The following MMS19 variants were observed in gnomAD, a reference collection of about 807,000 sequenced individuals.
MMS19 encodes MMS19 cytosolic iron-sulfur assembly component, also known as MMS19 nucleotide excision repair protein homolog.
A neutral mutation model predicts 129.8 loss-of-function variants in MMS19; 77 were observed. The observed-to-expected ratio is 0.59, with a 90% CI of 0.49 to 0.72. MMS19 has a LOEUF of 0.72. Ranked by LOEUF, MMS19 falls within the 30% of genes least tolerant of loss-of-function variation. MMS19 has a pLI of 0.00. For synonymous variants in MMS19, 491 were observed against 502.8 expected (o/e 0.98, Z 0.31); for missense variants, 1,168 against 1,266.3 (o/e 0.92, Z 1.18).
At chr10:97,493,884 G>A (rs1024815499) in intron 1 of MMS19, among the ~76,000 whole-genome samples, 1 of 152,018 alleles carries the variant, frequency 6.6e-6, no homozygotes, top group African/African-American at 2.4e-5. Flanking sequence ...GTGTGGTGAT[G>A]CATGCTTGTG....
intron 1 of MMS19, among the ~76,000 whole-genome samples, chr10:97,489,010 T>G (rs1250002635): frequency 1.3e-5 from 2 of 152,232 alleles, no homozygotes; most frequent in Non-Finnish European, 1.5e-5. Flanking sequence ...CAGGCTGGAT[T>G]GTATTTTTAG....
chr10:97,484,245 G>C, intron 1 of MMS19, 94 bp from the exon 2 acceptor site: 1 of 862,732 alleles, frequency 1.2e-6, no homozygotes, highest in Non-Finnish European at 1.7e-6. Flanking sequence ...GCCTGCCCTA[G>C]GCTTTGTACC....
Position 97,468,412 on chromosome 10 carries a change from G to A in MMS19, c.1064-6C>T. The A allele has an allele frequency of 1.3e-6, 2 of 1,598,046 alleles. No individual in the cohort carries two copies. Among genetic ancestry groups the A allele is most frequent in the Middle Eastern group, 1.7e-4 (1 of 6,002 alleles). On this transcript the variant is annotated splice_polypyrimidine_tract_variant and splice_region_variant and intron_variant, in intron 12 of 30. Coordinates refer to ENST00000438925, the MANE Select transcript of MMS19 (RefSeq NM_022362.5). ...ACACAGGTGGTGCCTGCAGTCTAGA[G>A]AAGCAGCACATCACAGAGCTGGGGA...
At chr10:97,480,291 C>T (rs7897727) in intron 3 of MMS19, 245,771 of 462,248 alleles carry the variant, frequency 0.53, 66,488 homozygotes, top group South Asian at 0.6. Context: ...TTTGGAGCCC[C>T]GCTCTGTCTC....
Position 97,488,619 on chromosome 10 carries a change from C to T in MMS19, c.113-4468G>A, listed in dbSNP as rs1245398320. Among the ~76,000 whole-genome samples the T allele has an allele frequency of 2.0e-5, 3 of 152,322 alleles. No homozygotes were observed. The East Asian group carries it at 5.8e-4, about 29-fold the overall frequency. On this transcript the variant is annotated intron_variant, in intron 1 of 30. Transcript: ENST00000438925. ...TCTAGATTACTCATAATACTTAATACAATCTAAGTGCTACGCAAATAGTTG... is the reference window on the plus strand; with the variant it reads ...TCTAGATTACTCATAATACTTAATATAATCTAAGTGCTACGCAAATAGTTG...
intron 1 of MMS19, among the ~76,000 whole-genome samples, chr10:97,496,806 A>C (rs2039880704): frequency 6.6e-6 from 1 of 152,222 alleles, no homozygotes; most frequent in South Asian, 2.1e-4. Context: ...AACCGTCAAC[A>C]AACTCTAGTC....
At chr10:97,498,084 A>G (rs1354335887) in intron 1 of MMS19, among the ~76,000 whole-genome samples, 189 bp downstream of exon 1, 1 of 152,230 alleles carries the variant, frequency 6.6e-6, no homozygotes, top group African/African-American at 2.4e-5. Context: ...AGAAGTGTAA[A>G]TGGTTTTAAG....
intron 25 of MMS19, among the ~76,000 whole-genome samples, 155 bp downstream of exon 25, chr10:97,460,540 C>A (rs921941968): frequency 3.0e-4 from 45 of 152,054 alleles, no homozygotes; most frequent in Non-Finnish European, 1.0e-4. Context: ...CTACTGTACT[C>A]CAGCCTGGGT....
intron 8 of MMS19, among the ~76,000 whole-genome samples, chr10:97,473,626 T>C (rs1383687266): frequency 6.6e-6 from 1 of 151,822 alleles, no homozygotes; most frequent in African/African-American, 2.4e-5. Context: ...CCTGTTGACA[T>C]TGTTTGGCTA....
intron 6 of MMS19, 156 bp from the exon 7 acceptor site, chr10:97,477,119 G>A (rs1002771287): frequency 2.7e-6 from 4 of 1,500,876 alleles, no homozygotes; most frequent in Non-Finnish European, 3.5e-6. Context: ...GAAGAGATGT[G>A]CAACAATATA....
At chr10:97,486,921 A>C (rs1235133054) in intron 1 of MMS19, among the ~76,000 whole-genome samples, 4 of 141,898 alleles carry the variant, frequency 2.8e-5, no homozygotes, top group African/African-American at 1.0e-4. Context: ...AGTTGTGAAA[A>C]GGAGTAATAG....
rs1319533903 is a variant in MMS19 at position 97,487,009 on chromosome 10, C to G, written c.113-2858G>C. 2.0e-5 allele frequency among the ~76,000 whole-genome samples: 3 copies of G among 148,106 alleles called. No homozygotes were observed. In the South Asian group the frequency reaches 6.4e-4, roughly 32 times the overall value. On this transcript the variant is annotated intron_variant, in intron 1 of 30. Transcript: ENST00000438925. Reference sequence around the variant, plus strand: ...ACATTTTAAAAGTGTACACTTTCAACAAAAAAAAGAAAAATAAAAAGTATA... The same window carrying G: ...ACATTTTAAAAGTGTACACTTTCAAGAAAAAAAAGAAAAATAAAAAGTATA...
intron 17 of MMS19, 21 bp from the exon 18 acceptor site, chr10:97,465,975 A>G (rs2133368826): frequency 1.2e-6 from 2 of 1,613,420 alleles, no homozygotes; most frequent in Non-Finnish European, 8.5e-7. Context: ...CCCATGAGAC[A>G]AAGGTTTACT....
rs1396784906 is a variant in MMS19 at position 97,461,663 on chromosome 10, T to C, written c.2185-41A>G. 3.2e-6 allele frequency: 5 copies of C among 1,585,410 alleles called. No individual in the cohort carries two copies. In the African/African-American group the frequency reaches 6.7e-5, roughly 21 times the overall value. On this transcript the variant is annotated intron_variant, in intron 22 of 30. Transcript: ENST00000438925. The stretch of plus-strand genomic sequence containing the variant: ...CCATGTAATGGACCCAGAGAACACT[T>C]GAACTCCAAGAGAACCAGTACATAG...
In MMS19 at chr10:97,465,832, G is replaced by A. The variant is rs1234737171; in HGVS notation, c.1729C>T (p.Leu577=). 1 of 1,613,662 alleles carries A rather than the reference G, an allele frequency of 6.2e-7. No homozygotes were observed. Among genetic ancestry groups the A allele is most frequent in the South Asian group, 1.1e-5 (1 of 91,086 alleles). The change falls in exon 18 of 31, where the codon CTG becomes TTG. Residue 577 remains leucine (L), a synonymous_variant. Coordinates refer to ENST00000438925, the MANE Select transcript of MMS19 (RefSeq NM_022362.5). ...SIVKETLPLL[L]QHLWQVNRGN... ...CTGTTCACTTGCCAGAGATGCTGCA[G>A]CAGCAGAGGCAGTGTCTCCTTGACG... is the stretch of plus-strand genomic sequence containing the variant.
intron 14 of MMS19, 139 bp downstream of exon 14, chr10:97,467,366 T>G: frequency 1.6e-6 from 1 of 627,652 alleles, no homozygotes; most frequent in Middle Eastern, 4.3e-4. Flanking sequence ...TCTCATCTGT[T>G]AAGTGTTCTC....
intron 8 of MMS19, among the ~76,000 whole-genome samples, chr10:97,473,795 T>G (rs1432916959): frequency 6.6e-6 from 1 of 152,068 alleles, no homozygotes; most frequent in Non-Finnish European, 1.5e-5. Flanking sequence ...TTTTGTGCAG[T>G]AACAGCAGAG....
In MMS19 at chr10:97,466,805, C is replaced by A; in HGVS notation, c.1394G>T (p.Arg465Leu). Residue 465 changes from arginine to leucine, a missense_variant, in exon 15 of 31, where the codon CGT (arginine) becomes CTT (leucine). Arg to Leu is a moderately radical substitution (Grantham distance 102). Around this residue, in one of 3 missense-constraint regions of MMS19, gnomAD observed 831 missense variants for 910.8 expected, o/e 0.91. Transcript: ENST00000438925. ...CTGGGCACCCAAGACTGTCAGTGTA[C>A]GGATGCCAACAAGCTGAAGCTGGGT... ...PSTQLQLVGIRTLTVLGAQPD... is the reference protein window; with the variant it reads ...PSTQLQLVGILTLTVLGAQPD... 2 of 1,613,946 alleles carry A rather than the reference C, an allele frequency of 1.2e-6. No homozygotes were observed. The highest frequency in any genetic ancestry group is 1.7e-6 in the Non-Finnish European group (2 of 1,179,860).
At position 97,470,775 on chromosome 10, in the gene MMS19, C is replaced by G; in HGVS notation, c.771G>C (p.Glu257Asp). The change falls in exon 9 of 31, where the codon GAG becomes GAC. Residue 257 changes from glutamate to aspartate, a missense_variant and splice_region_variant. Transcript: ENST00000438925. ...AVLASTPRFA[E>D]FLLPLLIEKV... ...ATACCCTAACCTTGGCTAGACCCAC[C>G]TCAGCAAATCGTGGTGTAGAAGCCA... The G allele has an allele frequency of 6.2e-7, 1 of 1,610,716 alleles. No individual in the cohort carries two copies. The highest frequency in any genetic ancestry group is 8.5e-7 in the Non-Finnish European group (1 of 1,177,100).
Sources: allele counts gnomAD v4.1 joint callset (sites outside exome capture counted in the v4.1 genomes callset), GRCh38; gene constraint gnomAD v4.1.1; regional missense constraint gnomAD v4.1.1; transcripts MANE v1.5; gene names NCBI Gene and HGNC (gene_info 2026-07-23, HGNC 2026-07-21).